Variants in ADGRB3 observed in about 807,000 individuals in gnomAD.
ADGRB3 encodes the protein adhesion G protein-coupled receptor B3, also known as brain-specific angiogenesis inhibitor 3.
Under a neutral mutation model 193.4 loss-of-function variants are expected in ADGRB3, and 37 were observed. The observed-to-expected ratio is 0.19, with a 90% CI of 0.15 to 0.25. The LOEUF (loss-of-function observed/expected upper bound fraction) is 0.25, where lower values mean the gene tolerates loss of function less well. Among genes scored for constraint, ADGRB3 ranks in the 10% least tolerant of loss-of-function variants. ADGRB3 has a pLI of 1.00. For synonymous variants in ADGRB3, 690 were observed against 644.2 expected (o/e 1.07, Z -1.08); for missense variants, 1,637 against 1,852.9 (o/e 0.88, Z 2.14).
intron 20 of ADGRB3, among the ~76,000 whole-genome samples, chr6:69,323,299 A>G (rs1768501920): frequency 6.6e-6 from 1 of 152,028 alleles, no homozygotes. Flanking sequence ...TTTGGATAGC[A>G]AGTGGAAGAG....
chr6:68,664,047 A>G (rs1768737369), intron 3 of ADGRB3, among the ~76,000 whole-genome samples: 1 of 151,820 alleles, frequency 6.6e-6, no homozygotes, highest in Admixed American at 6.6e-5. Flanking sequence ...ATTATTTTAA[A>G]ATGAGTCGAA....
chr6:69,371,671 T>A (rs1769710954), intron 29 of ADGRB3, among the ~76,000 whole-genome samples: 1 of 152,066 alleles, frequency 6.6e-6, no homozygotes, highest in Non-Finnish European at 1.5e-5. Context: ...TGTTTTCTGG[T>A]TGTATCAGTC....
intron 17 of ADGRB3, among the ~76,000 whole-genome samples, chr6:69,080,334 G>A (rs567999529): frequency 3.9e-5 from 6 of 151,936 alleles, no homozygotes; most frequent in Non-Finnish European, 7.4e-5. Context: ...CTTATACAAA[G>A]TGTTACTATT....
rs1237262180 is a variant in ADGRB3, at chr6:69,100,807, G to A, written c.2480+24769G>A. ...ATTTAATAGACGGAAGGAAAAAAAA[G>A]ACAAAGGAAGGAAGGAAAGAAGGAA... On this transcript the variant is annotated intron_variant, in intron 17 of 31. Transcript: ENST00000370598. Among the ~76,000 whole-genome samples the A allele has an allele frequency of 8.0e-4, 35 of 43,860 alleles. 1 individual carries two copies. The highest frequency in any genetic ancestry group is 9.0e-5 in the Non-Finnish European group (2 of 22,312). 28.8% of individuals were successfully genotyped at this position (43,860 alleles called of 152,430 possible). A position where few individuals can be genotyped will look rare whatever the true frequency, so the allele number is the denominator to read the frequency against.
chr6:68,718,906 G>A lies in ADGRB3; in HGVS notation c.757+79474G>A, dbSNP rs114189473. On this transcript the variant is annotated intron_variant, in intron 3 of 31. Coordinates refer to ENST00000370598, the MANE Select transcript of ADGRB3 (RefSeq NM_001704.3). ...ACACATTGTTTAAGGCTGCCTTTGC[G>A]CTGTAACAGCAGAGTTGAGTAGTGA... is the stretch of plus-strand genomic sequence containing the variant. 2.8e-3 allele frequency among the ~76,000 whole-genome samples: 425 copies of A among 151,836 alleles called. 4 individuals are homozygous for A. Among genetic ancestry groups the A allele is most frequent in the African/African-American group, 1.0e-2 (414 of 41,488 alleles).
At chr6:68,842,992 T>C (rs1329766857) in intron 3 of ADGRB3, among the ~76,000 whole-genome samples, 1 of 134,540 alleles carries the variant, frequency 7.4e-6, no homozygotes, top group Non-Finnish European at 1.6e-5. Flanking sequence ...GTAAAAAACA[T>C]AAAAAAAGCT....
In ADGRB3 at chr6:69,006,531, AGTCTCGCTCT is replaced by A. The variant is rs2150281769; in HGVS notation, c.1930-7503_1930-7494del. On this transcript the variant is annotated intron_variant, in intron 11 of 31. Transcript: ENST00000370598. ...TTTTTTTCTTTTTTTTTTAAGATGGAGTCTCGCTCTGTCACCCAGGCTGGAGTGCAGTGGC... is the reference window on the plus strand; with the variant it reads ...TTTTTTTCTTTTTTTTTTAAGATGGAGTCACCCAGGCTGGAGTGCAGTGGC... Among the ~76,000 whole-genome samples, 3 of 146,844 alleles carry A rather than the reference AGTCTCGCTCT, an allele frequency of 2.0e-5. 1 individual carries two copies. The South Asian group carries it at 6.7e-4, about 33-fold the overall frequency.
In ADGRB3 at chr6:68,855,289, T is replaced by C. The variant is rs1764947395; in HGVS notation, c.758-75270T>C. 3.3e-5 allele frequency among the ~76,000 whole-genome samples: 5 copies of C among 152,204 alleles called. No homozygotes were observed. In the South Asian group the frequency reaches 1.0e-3, roughly 31 times the overall value. ...ATGTTGAATACTTGCAAATAGCAAATATAGCCTCAAGTTATAGTGTCTTCA... is the reference window on the plus strand; with the variant it reads ...ATGTTGAATACTTGCAAATAGCAAACATAGCCTCAAGTTATAGTGTCTTCA... On this transcript the variant is annotated intron_variant, in intron 3 of 31. Coordinates refer to ENST00000370598, the MANE Select transcript of ADGRB3 (RefSeq NM_001704.3).
intron 3 of ADGRB3, among the ~76,000 whole-genome samples, chr6:68,818,880 A>G (rs181294393): frequency 6.6e-6 from 1 of 152,228 alleles, no homozygotes; most frequent in African/African-American, 2.4e-5. Context: ...CTCCCTGAGG[A>G]AAGATCAATT....
In ADGRB3 at chr6:69,234,964, T is replaced by C. The variant is rs987418425; in HGVS notation, c.2608-68T>C. The stretch of plus-strand genomic sequence containing the variant: ...TTTTTGAGTGATAGGTTAGCTTTGC[T>C]GAGTCTAGAAGTTATTTTAATTTAT... On this transcript the variant is annotated intron_variant, in intron 18 of 31. Coordinates refer to ENST00000370598, the MANE Select transcript of ADGRB3 (RefSeq NM_001704.3). The C allele has an allele frequency of 2.4e-6, 3 of 1,257,962 alleles. No individual in the cohort carries two copies. In the African/African-American group the frequency reaches 4.5e-5, roughly 19 times the overall value. 77.9% of individuals were successfully genotyped at this position (1,257,962 alleles called of 1,614,324 possible).
intron 3 of ADGRB3, among the ~76,000 whole-genome samples, chr6:68,761,528 T>C (rs894268642): frequency 1.3e-5 from 2 of 151,408 alleles, no homozygotes; most frequent in Non-Finnish European, 2.9e-5. Flanking sequence ...TCAGTGTCGA[T>C]GTGGTGCTTG....
chr6:69,342,530 A>G (rs1489008521), intron 26 of ADGRB3, among the ~76,000 whole-genome samples: 1 of 152,112 alleles, frequency 6.6e-6, no homozygotes, highest in East Asian at 1.9e-4. Flanking sequence ...TGGAACACCA[A>G]AATTCTTTTT....
intron 20 of ADGRB3, among the ~76,000 whole-genome samples, chr6:69,240,870 A>G (rs1766369223): frequency 6.6e-6 from 1 of 151,960 alleles, no homozygotes; most frequent in South Asian, 2.1e-4. Context: ...CCACCCAGAA[A>G]AAGAGAGCTT....
chr6:68,883,147 CCTGT>C (rs944148757), intron 3 of ADGRB3, among the ~76,000 whole-genome samples: 18 of 152,054 alleles, frequency 1.2e-4, no homozygotes, highest in African/African-American at 4.3e-4. Flanking sequence ...CAATCAGCAC[CCTGT>C]CTATCTCAAG....
intron 15 of ADGRB3, among the ~76,000 whole-genome samples, chr6:69,053,046 C>A (rs957108586): frequency 6.6e-6 from 1 of 152,042 alleles, no homozygotes; most frequent in African/African-American, 2.4e-5. Flanking sequence ...ATTAGCCGTG[C>A]ATGGTGGTGT....
chr6:68,863,189 T>C (rs1298099001), intron 3 of ADGRB3, among the ~76,000 whole-genome samples: 2 of 152,140 alleles, frequency 1.3e-5, no homozygotes, highest in Non-Finnish European at 2.9e-5. Flanking sequence ...AGTTTCCTTT[T>C]CATTAATTTT....
chr6:68,719,523 A>G (rs909519089), intron 3 of ADGRB3, among the ~76,000 whole-genome samples: 4 of 151,804 alleles, frequency 2.6e-5, no homozygotes, highest in Non-Finnish European at 5.9e-5. Context: ...TATAAATTCT[A>G]TAAGAGAACT....
At chr6:68,643,931 GA>G (rs1226089996) in intron 3 of ADGRB3, among the ~76,000 whole-genome samples, 233 of 107,940 alleles carry the variant, frequency 2.2e-3, no homozygotes, top group Middle Eastern at 0.018. Context: ...GACTCTATCA[GA>G]AAAAAAAAAA....
chr6:68,775,234 G>C (rs1326514877), intron 3 of ADGRB3, among the ~76,000 whole-genome samples: 5 of 151,440 alleles, frequency 3.3e-5, no homozygotes, highest in Non-Finnish European at 7.4e-5. Flanking sequence ...CTCCTGGCAT[G>C]GGAGGAGTCA....
Sources: gnomAD v4.1 joint callset for allele counts (sites outside exome capture counted in the v4.1 genomes callset) on GRCh38, gnomAD v4.1.1 for gene constraint, MANE v1.5 for transcripts, NCBI Gene and HGNC (gene_info 2026-07-23, HGNC 2026-07-21) for gene names.